The following RYR2 variants were observed in gnomAD, a reference collection of about 807,000 sequenced individuals.
RYR2 encodes the protein ryanodine receptor 2.
Under a neutral mutation model 601.1 loss-of-function variants are expected in RYR2, and 227 were observed. The observed-to-expected ratio is 0.38, with a 90% CI of 0.34 to 0.42. RYR2 has a LOEUF of 0.42. Ranked by LOEUF, RYR2 falls within the 10% of genes least tolerant of loss-of-function variation. The pLI is 1.00. For missense variants in RYR2, 4,646 were observed against 6,156.5 expected, an observed-to-expected ratio of 0.75 and a Z score of 8.21; for synonymous variants, 2,223 against 2,175.1, an observed-to-expected ratio of 1.02 and a Z score of -0.61.
At chr1:237,773,679 G>T in intron 87 of RYR2, 31 bp downstream of exon 87, 2 of 1,593,336 alleles carry the variant, frequency 1.3e-6, no homozygotes, top group African/African-American at 1.3e-5. Flanking sequence ...GCTATCTGTA[G>T]CACTGAACTC....
intron 81 of RYR2, among the ~76,000 whole-genome samples, chr1:237,757,240 G>A (rs1307399827): frequency 6.6e-6 from 1 of 152,056 alleles, no homozygotes; most frequent in African/African-American, 2.4e-5. Flanking sequence ...TAATAAACCA[G>A]ATGTCAAACA....
intron 4 of RYR2, among the ~76,000 whole-genome samples, chr1:237,361,497 A>G (rs2149714244): frequency 6.6e-6 from 1 of 152,300 alleles, no homozygotes; most frequent in East Asian, 1.9e-4. Flanking sequence ...CCTTAATGGA[A>G]ACTTCACGCT....
intron 25 of RYR2, among the ~76,000 whole-genome samples, chr1:237,534,108 T>C (rs1236935426): frequency 6.6e-6 from 1 of 151,952 alleles, no homozygotes; most frequent in African/African-American, 2.4e-5. Context: ...CTTTAGAACA[T>C]AGAAAAGTTG....
At chr1:237,671,520 CGTGT>C (rs368296995) in intron 58 of RYR2, among the ~76,000 whole-genome samples, 186 of 140,654 alleles carry the variant, frequency 1.3e-3, no homozygotes, top group African/African-American at 4.2e-3. Flanking sequence ...TGTGTGTGTG[CGTGT>C]GTGTGTGTGT....
intron 3 of RYR2, among the ~76,000 whole-genome samples, chr1:237,338,726 G>T (rs988455972): frequency 6.6e-6 from 1 of 152,130 alleles, no homozygotes; most frequent in Non-Finnish European, 1.5e-5. Flanking sequence ...TATGGTATCT[G>T]CTCAGAGGCA....
chr1:237,272,582 T>C (rs927804487), intron 2 of RYR2, among the ~76,000 whole-genome samples: 1 of 148,602 alleles, frequency 6.7e-6, no homozygotes, highest in East Asian at 1.9e-4. Flanking sequence ...TGGAGTAATC[T>C]AATTTATATA....
chr1:237,533,674 G>A (rs901523976), intron 25 of RYR2, among the ~76,000 whole-genome samples: 8 of 152,176 alleles, frequency 5.3e-5, no homozygotes, highest in African/African-American at 1.7e-4. Context: ...AGGCTCAAAA[G>A]CAAGTAAAAC....
chr1:237,691,141 C>T (rs1686910460), intron 63 of RYR2, among the ~76,000 whole-genome samples: 1 of 152,164 alleles, frequency 6.6e-6, no homozygotes. Flanking sequence ...CACATATTCC[C>T]TGTACTGTCT....
At chr1:237,368,644 T>C (rs900281347) in intron 5 of RYR2, among the ~76,000 whole-genome samples, 1 of 152,154 alleles carries the variant, frequency 6.6e-6, no homozygotes, top group Non-Finnish European at 1.5e-5. Context: ...TCTGTGTTTT[T>C]ACAAGCTCTC....
At chr1:237,434,850 A>G (rs1707182618) in intron 12 of RYR2, among the ~76,000 whole-genome samples, 2 of 152,122 alleles carry the variant, frequency 1.3e-5, no homozygotes, top group Admixed American at 1.3e-4. Flanking sequence ...ATCTTGGCTC[A>G]CTGCAACCTC....
intron 1 of RYR2, among the ~76,000 whole-genome samples, chr1:237,233,786 C>T (rs1000334255): frequency 2.0e-5 from 3 of 152,130 alleles, no homozygotes; most frequent in African/African-American, 7.2e-5. Flanking sequence ...TCCTGAGTAG[C>T]TGGGATTACA....
chr1:237,566,282 G>T (rs1372403316), intron 27 of RYR2, among the ~76,000 whole-genome samples: 1 of 152,038 alleles, frequency 6.6e-6, no homozygotes, highest in Non-Finnish European at 1.5e-5. Context: ...TCTACAGAAA[G>T]GTCGTTCCCT....
chr1:237,768,610 GTTAT>G (rs1322595815), intron 84 of RYR2, among the ~76,000 whole-genome samples: 5 of 152,004 alleles, frequency 3.3e-5, no homozygotes, highest in African/African-American at 7.2e-5. Flanking sequence ...ACTCCATTCC[GTTAT>G]TTGTTATTGA....
At chr1:237,641,471 G>GTCTGTCTGTCTT (rs1260670992) in intron 47 of RYR2, among the ~76,000 whole-genome samples, 16 of 108,708 alleles carry the variant, frequency 1.5e-4, no homozygotes, top group African/African-American at 4.7e-4. Context: ...GTGTCTGTCT[G>GTCTGTCTGTCTT]TCTTTCTTTC....
rs772441741 is a variant in RYR2 at position 237,614,297 on chromosome 1, C to T, written c.5169C>T (p.Asn1723=). The change falls in exon 37 of 105, where the codon AAC becomes AAT. Residue 1723 remains asparagine, a synonymous_variant. Coordinates refer to ENST00000366574, the MANE Select transcript of RYR2 (RefSeq NM_001035.3). This position sits in a 1 kb window ranked among gnomAD's most constrained non-coding sequence, Gnocchi z 4.3. ...CCACTGCCAGGCTCATGATGAACAA[C>T]GAGTACATTGTCCCCATGACGGAGG... ...SYATARLMMN[N]EYIVPMTEET... The T allele has an allele frequency of 2.2e-5, 36 of 1,613,900 alleles. No homozygotes were observed. The highest frequency in any genetic ancestry group is 2.0e-4 in the South Asian group (18 of 91,092).
chr1:237,156,863 C>T (rs746384817), intron 1 of RYR2, among the ~76,000 whole-genome samples: 16 of 152,122 alleles, frequency 1.1e-4, no homozygotes, highest in South Asian at 2.1e-4. Context: ...GTTAAAATGG[C>T]GCTTATCAAA....
At chr1:237,760,720 T>C (rs1693354006) in intron 83 of RYR2, among the ~76,000 whole-genome samples, 1 of 152,192 alleles carries the variant, frequency 6.6e-6, no homozygotes, top group Admixed American at 6.5e-5. Flanking sequence ...TGTTGAAACC[T>C]AAGAATGCTT....
At chr1:237,517,817 T>C (rs1487198785) in intron 24 of RYR2, among the ~76,000 whole-genome samples, 2 of 152,104 alleles carry the variant, frequency 1.3e-5, no homozygotes, top group Non-Finnish European at 1.5e-5. Context: ...GTCCACAGCA[T>C]GATTTTTTTT....
At chr1:237,649,049 G>A (rs1046087187) in intron 49 of RYR2, among the ~76,000 whole-genome samples, 13 of 152,160 alleles carry the variant, frequency 8.5e-5, no homozygotes, top group African/African-American at 2.2e-4. Flanking sequence ...TGGTATCTTC[G>A]TTTGTTAAGG....
Sources: gnomAD v4.1 joint callset for allele counts (sites outside exome capture counted in the v4.1 genomes callset) on GRCh38, gnomAD v4.1.1 for gene constraint, Gnocchi (gnomAD v3.1) non-coding constraint, MANE v1.5 for transcripts, NCBI Gene and HGNC (gene_info 2026-07-23, HGNC 2026-07-21) for gene names.